SH3BP2: variants seen among roughly 807,000 people sequenced by gnomAD.
SH3BP2 encodes the protein SH3 domain-binding protein 2.
SH3BP2 carries 38 observed loss-of-function variants against 56.2 expected under a neutral mutation model. The ratio of observed to expected loss-of-function variants is 0.68; its 90% CI spans 0.52 to 0.89. The LOEUF is 0.89. Ranked by LOEUF, SH3BP2 falls within the 40% of genes least tolerant of loss-of-function variation. The pLI is 0.00. For synonymous variants in SH3BP2, 346 were observed against 316.7 expected, an observed-to-expected ratio of 1.09 and a Z score of -0.98; for missense variants, 748 against 762.6, an observed-to-expected ratio of 0.98 and a Z score of 0.23.
chr4:2,802,014 G>A (rs189949967), intron 1 of SH3BP2, among the ~76,000 whole-genome samples: 111 of 152,204 alleles, frequency 7.3e-4, no homozygotes, highest in African/African-American at 2.5e-3. Flanking sequence ...AGGCTGAGAC[G>A]TGAGAATTGC....
chr4:2,815,999 G>T (rs995627498), intron 1 of SH3BP2, among the ~76,000 whole-genome samples: 7 of 152,136 alleles, frequency 4.6e-5, no homozygotes, highest in African/African-American at 1.7e-4. Flanking sequence ...TATAGAAATA[G>T]AATTGATTTT....
At chr4:2,823,131 C>A in intron 3 of SH3BP2, 94 bp downstream of exon 3, 1 of 909,828 alleles carries the variant, frequency 1.1e-6, no homozygotes, top group Non-Finnish European at 1.8e-6. Flanking sequence ...TATTCCCGCC[C>A]AAGGAAAGTG....
chr4:2,794,929 G>T (rs1723012589), intron 1 of SH3BP2, among the ~76,000 whole-genome samples: 2 of 152,202 alleles, frequency 1.3e-5, no homozygotes, highest in African/African-American at 2.4e-5. Context: ...GAGGGGCAGG[G>T]AGGAAGGGCG....
intron 7 of SH3BP2, 107 bp downstream of exon 7, chr4:2,827,781 C>G (rs1724756857): frequency 1.1e-6 from 1 of 951,042 alleles, no homozygotes; most frequent in Admixed American, 2.0e-5. Flanking sequence ...AGGTACCGCT[C>G]TGGGTGGCTT....
chr4:2,831,793 A>C lies in SH3BP2; in HGVS notation c.1350+114A>C. Reference sequence around the variant, plus strand: ...CGTCCTGAGCAAGGACCCCCCGAGAACCCGGGAGCCTAGGGGGACACAGCA... The same window carrying C: ...CGTCCTGAGCAAGGACCCCCCGAGACCCCGGGAGCCTAGGGGGACACAGCA... On this transcript the variant is annotated intron_variant, in intron 9 of 12. Transcript: ENST00000503393. The surrounding 1 kb of genome is among the most constrained non-coding windows in gnomAD (Gnocchi z 4.1). 7.4e-7 allele frequency: 1 copy of C among 1,350,920 alleles called. No homozygotes were observed. Among genetic ancestry groups the C allele is most frequent in the Non-Finnish European group, 1.0e-6 (1 of 962,832 alleles). 83.7% of individuals were successfully genotyped at this position (1,350,920 alleles called of 1,614,324 possible). A position where few individuals can be genotyped will look rare whatever the true frequency, so the allele number is the denominator to read the frequency against.
At chr4:2,793,950 T>C (rs1335840420) in intron 1 of SH3BP2, among the ~76,000 whole-genome samples, 2 of 152,188 alleles carry the variant, frequency 1.3e-5, no homozygotes, top group Admixed American at 1.3e-4. Flanking sequence ...AGCCCTGCTG[T>C]GGGGAGCCTT....
At chr4:2,808,196 C>T (rs997258867) in intron 1 of SH3BP2, among the ~76,000 whole-genome samples, 2 of 152,230 alleles carry the variant, frequency 1.3e-5, no homozygotes, top group Non-Finnish European at 2.9e-5. Context: ...AAGCCCCTTC[C>T]TCCCCTCCCA....
intron 1 of SH3BP2, among the ~76,000 whole-genome samples, chr4:2,795,861 C>T (rs1397208331): frequency 6.6e-6 from 1 of 152,200 alleles, no homozygotes; most frequent in African/African-American, 2.4e-5. Flanking sequence ...GGATAGGCGG[C>T]TCCTCCCCAG....
intron 1 of SH3BP2, among the ~76,000 whole-genome samples, chr4:2,807,139 G>A (rs778927405): frequency 5.9e-5 from 9 of 152,224 alleles, no homozygotes; most frequent in African/African-American, 1.2e-4. Context: ...GTTTTGCAGC[G>A]AGCAGCCTCA....
chr4:2,799,876 T>G (rs1168027270), intron 1 of SH3BP2, among the ~76,000 whole-genome samples: 1 of 152,012 alleles, frequency 6.6e-6, no homozygotes, highest in Non-Finnish European at 1.5e-5. Flanking sequence ...ACCCTGGTTT[T>G]GAAAAGGGAG....
At chr4:2,825,530 ACATG>A (rs530917922) in intron 5 of SH3BP2, among the ~76,000 whole-genome samples, 42 of 151,844 alleles carry the variant, frequency 2.8e-4, no homozygotes, top group Non-Finnish European at 5.1e-4. Flanking sequence ...CAACACGTGG[ACATG>A]CACACACACA....
chr4:2,802,641 G>GTA (rs776382628), intron 1 of SH3BP2, among the ~76,000 whole-genome samples: 10 of 147,182 alleles, frequency 6.8e-5, no homozygotes, highest in East Asian at 3.9e-4. Flanking sequence ...TGTGGTGTGT[G>GTA]TATATATATA....
chr4:2,822,539 T>C (rs774844057), intron 2 of SH3BP2, among the ~76,000 whole-genome samples: 27 of 152,162 alleles, frequency 1.8e-4, no homozygotes, highest in Non-Finnish European at 3.7e-4. Flanking sequence ...CCGGCCTTAG[T>C]CCCCCTCTTT....
chr4:2,829,240 G>T lies in SH3BP2; in HGVS notation c.587-253G>T. Among the ~76,000 whole-genome samples, 1 of 151,990 alleles carries T rather than the reference G, an allele frequency of 6.6e-6. No individual in the cohort carries two copies. Among genetic ancestry groups the T allele is most frequent in the East Asian group, 1.9e-4 (1 of 5,182 alleles). On this transcript the variant is annotated intron_variant, in intron 7 of 12. Transcript: ENST00000503393. The surrounding 1 kb of genome is among the most constrained non-coding windows in gnomAD (Gnocchi z 4.9). ...TGGGAACCTGATGGGCTCCTCAGGT[G>T]TCCTCTAGGCTTCAGGAAGCGTCCA... is the stretch of plus-strand genomic sequence containing the variant.
At chr4:2,804,944 A>G (rs1426069842) in intron 1 of SH3BP2, among the ~76,000 whole-genome samples, 1 of 152,224 alleles carries the variant, frequency 6.6e-6, no homozygotes, top group African/African-American at 2.4e-5. Context: ...TTGGCGATGG[A>G]GCGGGCACAG....
In SH3BP2 at chr4:2,824,807, G is replaced by T. The variant is rs1379692327; in HGVS notation, c.357+77G>T. ...AGGCACCAGGCTGGACCTGCCTTGG[G>T]GGCTCGCTGGTCCTGGGGCGCTGGC... is the stretch of plus-strand genomic sequence containing the variant. On this transcript the variant is annotated intron_variant, in intron 4 of 12. Transcript: ENST00000503393. 4 of 1,122,682 alleles carry T rather than the reference G, an allele frequency of 3.6e-6. No homozygotes were observed. In the African/African-American group the frequency reaches 4.6e-5, roughly 13 times the overall value. The allele number at this position is 1,122,682 out of a possible 1,614,324, so 69.5% of individuals were successfully genotyped here.
intron 5 of SH3BP2, among the ~76,000 whole-genome samples, chr4:2,825,411 G>A (rs1009092193): frequency 2.0e-5 from 3 of 147,976 alleles, no homozygotes; most frequent in Admixed American, 6.7e-5. Flanking sequence ...AGCGACACGC[G>A]GACACGCACA....
In SH3BP2 at chr4:2,834,840, G is replaced by A. The variant is rs1437579420; in HGVS notation, c.*1006G>A. 6.5e-6 allele frequency: 1 copy of A among 152,718 alleles called. No homozygotes were observed. Among genetic ancestry groups the A allele is most frequent in the Non-Finnish European group, 1.5e-5 (1 of 68,420 alleles). 9.5% of individuals were successfully genotyped at this position (152,718 alleles called of 1,614,324 possible). Reference sequence around the variant, plus strand: ...GAGGTGCTTACGGCACAGTGTCCAGGGCAGCTGGGTGTGCAGGGACTGGGG... The same window carrying A: ...GAGGTGCTTACGGCACAGTGTCCAGAGCAGCTGGGTGTGCAGGGACTGGGG... On this transcript the variant is annotated 3_prime_UTR_variant, in exon 13 of 13. Coordinates refer to ENST00000503393, the MANE Select transcript of SH3BP2 (RefSeq NM_001122681.2).
Position 2,832,826 on chromosome 4 carries a change from G to A in SH3BP2, c.1489-164G>A, listed in dbSNP as rs552157380. On this transcript the variant is annotated intron_variant, in intron 11 of 12. Transcript: ENST00000503393. ...AGGCTCTCTGAGGGCTGCCAGTGTC[G>A]CCCCCGCTGTCCTTGTGCAGGTGGT... is the stretch of plus-strand genomic sequence containing the variant. Among the ~76,000 whole-genome samples, 8 of 152,244 alleles carry A rather than the reference G, an allele frequency of 5.3e-5. No homozygotes were observed. The South Asian group carries it at 6.2e-4, about 12-fold the overall frequency.
Sources: allele counts gnomAD v4.1 joint callset (sites outside exome capture counted in the v4.1 genomes callset), GRCh38; gene constraint gnomAD v4.1.1; non-coding constraint Gnocchi (gnomAD v3.1); transcripts MANE v1.5; gene names NCBI Gene and HGNC (gene_info 2026-07-23, HGNC 2026-07-21).